SYCP1: variants seen among roughly 807,000 people sequenced by gnomAD.
SYCP1 encodes synaptonemal complex protein 1.
In SYCP1, 64 loss-of-function variants were observed where a neutral mutation model predicts 153.1. The ratio of observed to expected loss-of-function variants is 0.42; its 90% confidence interval spans 0.34 to 0.51. The LOEUF is 0.51. SYCP1 is among the 20% of genes least tolerant of loss of function. The pLI is 0.06. For synonymous variants in SYCP1, 384 were observed against 341.8 expected, an observed-to-expected ratio of 1.12 and a Z score of -1.36; for missense variants, 997 against 1,049.0, an observed-to-expected ratio of 0.95 and a Z score of 0.68.
At chr1:114,965,703 A>T (rs1349880445) in intron 27 of SYCP1, among the ~76,000 whole-genome samples, 1 of 152,152 alleles carries the variant, frequency 6.6e-6, no homozygotes, top group Non-Finnish European at 1.5e-5. Context: ...CCAGGAATTG[A>T]TCGCGGTGGA....
intron 8 of SYCP1, among the ~76,000 whole-genome samples, chr1:114,870,036 C>T (rs578251019): frequency 4.2e-4 from 64 of 152,174 alleles, no homozygotes; most frequent in African/African-American, 1.4e-3. Context: ...TTTTTTGAGA[C>T]AGGGTCTTGG....
At chr1:114,888,593 T>G (rs1297198569) in intron 15 of SYCP1, among the ~76,000 whole-genome samples, 1 of 152,156 alleles carries the variant, frequency 6.6e-6, no homozygotes, top group African/African-American at 2.4e-5. Flanking sequence ...TAATTGTATC[T>G]TCTTAGGATA....
Position 114,995,152 on chromosome 1 carries a change from T to A in SYCP1, c.*133T>A. On this transcript the variant is annotated 3_prime_UTR_variant, in exon 32 of 32. Coordinates refer to ENST00000369522, the MANE Select transcript of SYCP1 (RefSeq NM_003176.4). ...AATACTTGCATGAATGATTTGTGTT[T>A]CTTTATATTTTTAGCCTAAATGTTA... 1.1e-6 allele frequency: 1 copy of A among 904,152 alleles called. No homozygotes were observed. Among genetic ancestry groups the A allele is most frequent in the Middle Eastern group, 3.7e-4 (1 of 2,722 alleles). 56.0% of individuals were successfully genotyped at this position (904,152 alleles called of 1,614,324 possible). A position where few individuals can be genotyped will look rare whatever the true frequency, so the allele number is the denominator to read the frequency against.
chr1:114,878,178 G>A lies in SYCP1; in HGVS notation c.886G>A (p.Val296Ile). The A allele has an allele frequency of 6.4e-7, 1 of 1,566,052 alleles. No individual in the cohort carries two copies. Among genetic ancestry groups the A allele is most frequent in the Non-Finnish European group, 8.7e-7 (1 of 1,144,150 alleles). Residue 296 changes from valine (V) to isoleucine (I), a missense_variant, in exon 12 of 32, where the codon GTT becomes ATT. Around this residue, in one of 2 missense-constraint regions of SYCP1, gnomAD observed 285 missense variants for 366.1 expected, o/e 0.78. Coordinates refer to ENST00000369522, the MANE Select transcript of SYCP1 (RefSeq NM_003176.4). ...TCTGCTAGAGGAATCCAGAGATAAA[G>A]TTAATCAATTAGAGGAAAAGACAAG... ...TFLLEESRDK[V>I]NQLEEKTKLQ...
intron 27 of SYCP1, among the ~76,000 whole-genome samples, chr1:114,975,047 T>G (rs1056795485): frequency 3.9e-5 from 6 of 151,982 alleles, no homozygotes; most frequent in African/African-American, 1.4e-4. Context: ...CAATATCTCA[T>G]GTGGCTGTGA....
At chr1:114,938,729 G>A (rs890152517) in intron 23 of SYCP1, among the ~76,000 whole-genome samples, 2 of 148,784 alleles carry the variant, frequency 1.3e-5, no homozygotes, top group Non-Finnish European at 3.0e-5. Context: ...TCTTGGCCTG[G>A]AAAAAAAAAT....
chr1:114,920,846 A>G (rs546159215), intron 20 of SYCP1, among the ~76,000 whole-genome samples: 1 of 151,950 alleles, frequency 6.6e-6, no homozygotes, highest in Admixed American at 6.6e-5. Context: ...TACCGTTCCT[A>G]TATTTTCAGT....
At chr1:114,919,820 G>T (rs1023419036) in intron 20 of SYCP1, among the ~76,000 whole-genome samples, 1 of 151,788 alleles carries the variant, frequency 6.6e-6, no homozygotes, top group Non-Finnish European at 1.5e-5. Context: ...ATGATCCTTT[G>T]AATTTCTGTG....
chr1:114,859,728 T>C lies in SYCP1; in HGVS notation c.457-15T>C, dbSNP rs949929938. 1 of 988,036 alleles carries C rather than the reference T, an allele frequency of 1.0e-6. No homozygotes were observed. The highest frequency in any genetic ancestry group is 1.3e-6 in the Non-Finnish European group (1 of 746,786). The allele number at this position is 988,036 out of a possible 1,614,324, so 61.2% of individuals were successfully genotyped here. A position where few individuals can be genotyped will look rare whatever the true frequency, so the allele number is the denominator to read the frequency against. ...ATAAGCAAAATGGGATGAACTTTTC[T>C]GTTTTATAAATTAGTTTGGAAATGA... On this transcript the variant is annotated splice_polypyrimidine_tract_variant and intron_variant, in intron 6 of 31. Transcript: ENST00000369522.
chr1:114,990,347 G>A (rs867933221), intron 30 of SYCP1, among the ~76,000 whole-genome samples: 4 of 151,848 alleles, frequency 2.6e-5, no homozygotes, highest in African/African-American at 9.7e-5. Flanking sequence ...CAAAAACAGT[G>A]CTCAGAGAGG....
intron 27 of SYCP1, among the ~76,000 whole-genome samples, chr1:114,950,096 G>T (rs1670996662): frequency 6.6e-6 from 1 of 152,158 alleles, no homozygotes; most frequent in Non-Finnish European, 1.5e-5. Context: ...CCACCTCGCT[G>T]ACTTCAGATT....
chr1:114,921,722 C>G (rs752049586), intron 20 of SYCP1, among the ~76,000 whole-genome samples: 2 of 151,704 alleles, frequency 1.3e-5, no homozygotes, highest in Non-Finnish European at 2.9e-5. Flanking sequence ...TATGTATTTA[C>G]TGTTACCAGT....
Position 114,923,332 on chromosome 1 carries a change from G to T in SYCP1, c.1719-117G>T, listed in dbSNP as rs529061451. ...TTATATTATGAAGTATTCAGTTTTG[G>T]TTTTTTACATTTGGTTAAAGAATGT... On this transcript the variant is annotated intron_variant, in intron 20 of 31. Coordinates refer to ENST00000369522, the MANE Select transcript of SYCP1 (RefSeq NM_003176.4). 10 of 1,194,872 alleles carry T rather than the reference G, an allele frequency of 8.4e-6. No homozygotes were observed. The South Asian group carries it at 1.1e-4, about 14-fold the overall frequency. The allele number at this position is 1,194,872 out of a possible 1,614,324, so 74.0% of individuals were successfully genotyped here. A position where few individuals can be genotyped will look rare whatever the true frequency, so the allele number is the denominator to read the frequency against.
At chr1:114,879,278 C>T (rs1440807891) in intron 12 of SYCP1, among the ~76,000 whole-genome samples, 1 of 152,136 alleles carries the variant, frequency 6.6e-6, no homozygotes, top group African/African-American at 2.4e-5. Context: ...TGTTGTTTTT[C>T]TATTCTTCAG....
Position 114,945,200 on chromosome 1 carries a change from C to G in SYCP1, c.2154+218C>G, listed in dbSNP as rs73004463. Among the ~76,000 whole-genome samples, 1,008 of 152,002 alleles carry G rather than the reference C, an allele frequency of 6.6e-3. 7 individuals are homozygous for G. The highest frequency in any genetic ancestry group is 0.023 in the African/African-American group (950 of 41,530). On this transcript the variant is annotated intron_variant, in intron 25 of 31. Coordinates refer to ENST00000369522, the MANE Select transcript of SYCP1 (RefSeq NM_003176.4). ...GTGTGTCACATCCTTGAGGAAATCTCTCTTTGTTATCTGTGATGAATGGAA... is the reference window on the plus strand; with the variant it reads ...GTGTGTCACATCCTTGAGGAAATCTGTCTTTGTTATCTGTGATGAATGGAA...
chr1:114,896,379 T>C (rs925527140), intron 16 of SYCP1, among the ~76,000 whole-genome samples: 4 of 152,250 alleles, frequency 2.6e-5, no homozygotes, highest in African/African-American at 9.6e-5. Context: ...TGCATACTTA[T>C]ACAAGTCTTA....
intron 27 of SYCP1, among the ~76,000 whole-genome samples, chr1:114,958,797 G>A (rs947941003): frequency 5.3e-5 from 8 of 150,788 alleles, no homozygotes; most frequent in Non-Finnish European, 8.9e-5. Context: ...GGGCATGGTG[G>A]TGGGTGCCCG....
intron 30 of SYCP1, among the ~76,000 whole-genome samples, chr1:114,989,461 A>T (rs995402968): frequency 6.6e-6 from 1 of 151,990 alleles, no homozygotes; most frequent in African/African-American, 2.4e-5. Context: ...ACAAAACCCT[A>T]TAAGACATAT....
chr1:114,990,658 A>G (rs1008288983), intron 30 of SYCP1, among the ~76,000 whole-genome samples: 1 of 152,098 alleles, frequency 6.6e-6, no homozygotes. Context: ...ATGAATCATA[A>G]GACAATACTA....
Sources: allele counts gnomAD v4.1 joint callset (sites outside exome capture counted in the v4.1 genomes callset), GRCh38; gene constraint gnomAD v4.1.1; regional missense constraint gnomAD v4.1.1; transcripts MANE v1.5; gene names NCBI Gene and HGNC (gene_info 2026-07-23, HGNC 2026-07-21).